Variants in WDR49 observed in about 807,000 individuals in gnomAD.
The protein encoded by WDR49 is WD repeat domain 49.
In WDR49, 107 loss-of-function variants were observed where a neutral mutation model predicts 119.5. That is an observed-to-expected ratio of 0.90 (90% confidence interval 0.77 to 1.05). The LOEUF is 1.05. Among genes scored for constraint, WDR49 ranks in the 50% least tolerant of loss-of-function variants. WDR49 has a pLI of 0.00. For synonymous variants in WDR49, 425 were observed against 418.8 expected, an observed-to-expected ratio of 1.01 and a Z score of -0.18; for missense variants, 1,240 against 1,220.5, an observed-to-expected ratio of 1.02 and a Z score of -0.24.
chr3:167,548,347 C>A (rs777867819), intron 10 of WDR49, among the ~76,000 whole-genome samples: 2 of 151,988 alleles, frequency 1.3e-5, no homozygotes, highest in Non-Finnish European at 2.9e-5. Context: ...GATAATGGCA[C>A]ATAGATTATC....
At position 167,604,282 on chromosome 3, in the gene WDR49, C is replaced by G. The variant is rs1194965784; in HGVS notation, c.1126+19G>C. 1 of 1,612,134 alleles carries G rather than the reference C, an allele frequency of 6.2e-7. No individual in the cohort carries two copies. Among genetic ancestry groups the G allele is most frequent in the South Asian group, 1.1e-5 (1 of 90,866 alleles). The stretch of plus-strand genomic sequence containing the variant: ...CTATTTATGAGGCCCTCATAGTTAT[C>G]ATGATTTATTTTACCTACCAATTAA... On this transcript the variant is annotated intron_variant, in intron 6 of 18. Transcript: ENST00000682715.
intron 18 of WDR49, among the ~76,000 whole-genome samples, chr3:167,496,198 G>T (rs1751348123): frequency 6.6e-6 from 1 of 151,320 alleles, no homozygotes; most frequent in Non-Finnish European, 1.5e-5. Flanking sequence ...AGGTAATATA[G>T]GATATAAAAT....
intron 7 of WDR49, among the ~76,000 whole-genome samples, chr3:167,584,938 G>A (rs990279720): frequency 7.2e-5 from 11 of 151,876 alleles, no homozygotes; most frequent in African/African-American, 2.4e-4. Context: ...TCTTTTTCTT[G>A]ATCGTAATAG....
chr3:167,604,281 T>C lies in WDR49; in HGVS notation c.1126+20A>G, dbSNP rs771433677. ...ACTATTTATGAGGCCCTCATAGTTA[T>C]CATGATTTATTTTACCTACCAATTA... On this transcript the variant is annotated intron_variant, in intron 6 of 18. Transcript: ENST00000682715. The C allele has an allele frequency of 1.9e-5, 30 of 1,612,306 alleles. No homozygotes were observed. The South Asian group carries it at 2.5e-4, about 14-fold the overall frequency.
At position 167,500,169 on chromosome 3, in the gene WDR49, G is replaced by T; in HGVS notation, c.3015C>A (p.Ala1005=). ...PEEERPQILE[A]PSLFKTLKAV... ...AGAACTTACTTTTAAAAAGTGACGGGGCCTCCAGAATTTGGGGACGCTCTT... is the reference window on the plus strand; with the variant it reads ...AGAACTTACTTTTAAAAAGTGACGGTGCCTCCAGAATTTGGGGACGCTCTT... Residue 1005 remains alanine (A), a synonymous_variant, in exon 18 of 19, where the codon GCC becomes GCA. Transcript: ENST00000682715. 1.9e-6 allele frequency: 3 copies of T among 1,569,832 alleles called. No homozygotes were observed. Among genetic ancestry groups the T allele is most frequent in the Non-Finnish European group, 2.6e-6 (3 of 1,166,896 alleles).
At chr3:167,609,074 T>A (rs1350032953) in intron 5 of WDR49, among the ~76,000 whole-genome samples, 1 of 152,078 alleles carries the variant, frequency 6.6e-6, no homozygotes, top group Admixed American at 6.5e-5. Flanking sequence ...TTAAGTGCAC[T>A]TAGAGTAAGA....
At chr3:167,596,915 A>T (rs1479944833) in intron 7 of WDR49, among the ~76,000 whole-genome samples, 1 of 149,344 alleles carries the variant, frequency 6.7e-6, no homozygotes, top group African/African-American at 2.5e-5. Context: ...GATGTTTGCC[A>T]TACTTTACAA....
At chr3:167,536,756 CATAT>C in intron 11 of WDR49, 110 bp downstream of exon 11, 2 of 400,552 alleles carry the variant, frequency 5.0e-6, no homozygotes, top group Non-Finnish European at 7.1e-6. Flanking sequence ...CATACATATA[CATAT>C]ATATATATAT....
Position 167,604,269 on chromosome 3 carries a change from C to T in WDR49, c.1126+32G>A, listed in dbSNP as rs778305084. ...TATACATCCCAGACTATTTATGAGG[C>T]CCTCATAGTTATCATGATTTATTTT... On this transcript the variant is annotated intron_variant, in intron 6 of 18. Transcript: ENST00000682715. 5 of 1,608,332 alleles carry T rather than the reference C, an allele frequency of 3.1e-6. No individual in the cohort carries two copies. The South Asian group carries it at 4.4e-5, about 14-fold the overall frequency.
At chr3:167,525,162 G>A (rs1320226388) in intron 15 of WDR49, among the ~76,000 whole-genome samples, 2 of 151,864 alleles carry the variant, frequency 1.3e-5, no homozygotes, top group Non-Finnish European at 2.9e-5. Context: ...TATTTTCTTT[G>A]TAGCTATTGT....
chr3:167,531,121 C>T lies in WDR49; in HGVS notation c.2212G>A (p.Val738Met). The change falls in exon 13 of 19, where the codon GTG becomes ATG. Residue 738 changes from valine to methionine, a missense_variant. Transcript: ENST00000682715. ...CFLKARKNTA[V>M]TGGANLVSCG... ...ATGTAAATATATATTTTACCTGTCA[C>T]TGCAGTGTTTTTTCTTGCTTTAAGA... 5 of 1,610,774 alleles carry T rather than the reference C, an allele frequency of 3.1e-6. No homozygotes were observed. The highest frequency in any genetic ancestry group is 3.4e-6 in the Non-Finnish European group (4 of 1,178,934).
intron 8 of WDR49, among the ~76,000 whole-genome samples, chr3:167,563,353 C>CAAAAAAAAAAAAAA (rs61247447): frequency 3.6e-5 from 2 of 55,850 alleles, no homozygotes; most frequent in Non-Finnish European, 7.0e-5. Flanking sequence ...GATTCTGAAT[C>CAAAAAAAAAAAAAA]AAAAAAAAAA....
chr3:167,496,863 T>G (rs1249946062), intron 18 of WDR49, among the ~76,000 whole-genome samples: 1 of 152,172 alleles, frequency 6.6e-6, no homozygotes, highest in African/African-American at 2.4e-5. Flanking sequence ...AAATGGTGCA[T>G]CAGTACCCCA....
At chr3:167,551,595 G>A (rs1712576228) in intron 10 of WDR49, among the ~76,000 whole-genome samples, 1 of 151,952 alleles carries the variant, frequency 6.6e-6, no homozygotes. Flanking sequence ...TACTAACTTT[G>A]TCACCTTGGC....
chr3:167,549,005 C>T (rs1184322917), intron 10 of WDR49, among the ~76,000 whole-genome samples: 1 of 152,120 alleles, frequency 6.6e-6, no homozygotes, highest in Non-Finnish European at 1.5e-5. Context: ...ATCCATGTAC[C>T]TACAAAGGAC....
At chr3:167,531,779 C>G (rs1305828209) in intron 12 of WDR49, among the ~76,000 whole-genome samples, 1 of 152,110 alleles carries the variant, frequency 6.6e-6, no homozygotes, top group African/African-American at 2.4e-5. Context: ...GACATCATCT[C>G]CAGGCCACAC....
At chr3:167,519,675 C>T (rs1752356994) in intron 16 of WDR49, among the ~76,000 whole-genome samples, 1 of 152,080 alleles carries the variant, frequency 6.6e-6, no homozygotes, top group South Asian at 2.1e-4. Context: ...TGAAAAATTG[C>T]TACTGCATGC....
At chr3:167,576,438 C>T (rs1714257381) in intron 7 of WDR49, among the ~76,000 whole-genome samples, 1 of 152,050 alleles carries the variant, frequency 6.6e-6, no homozygotes, top group Non-Finnish European at 1.5e-5. Context: ...ATAGTAGTCC[C>T]CCAAAGATGT....
chr3:167,630,182 G>A (rs999972676), intron 2 of WDR49, among the ~76,000 whole-genome samples: 6 of 152,012 alleles, frequency 3.9e-5, no homozygotes, highest in Admixed American at 1.3e-4. Flanking sequence ...TAACAAAATT[G>A]CCACAGCCGT....
Sources: gnomAD v4.1 joint callset for allele counts (sites outside exome capture counted in the v4.1 genomes callset) on GRCh38, gnomAD v4.1.1 for gene constraint, MANE v1.5 for transcripts, NCBI Gene and HGNC (gene_info 2026-07-23, HGNC 2026-07-21) for gene names.